The following IDE variants were observed in gnomAD, a reference collection of about 807,000 sequenced individuals.
IDE encodes insulin degrading enzyme.
IDE carries 58 observed loss-of-function variants against 133.2 expected under a neutral mutation model. The observed-to-expected ratio is 0.44, with a 90% confidence interval of 0.35 to 0.54. IDE has a LOEUF of 0.54. Among genes scored for constraint, IDE ranks in the 20% least tolerant of loss-of-function variants. IDE has a pLI of 0.00. For missense variants in IDE, 981 were observed against 1,234.0 expected (o/e 0.79, Z 3.07); for synonymous variants, 396 against 421.3 (o/e 0.94, Z 0.73).
chr10:92,563,001 A>C (rs1257456532), intron 1 of IDE, among the ~76,000 whole-genome samples: 1 of 152,216 alleles, frequency 6.6e-6, no homozygotes, highest in Non-Finnish European at 1.5e-5. Flanking sequence ...CTGTAATCCC[A>C]GCACTTTGGG....
At chr10:92,509,556 G>A (rs770281662) in intron 6 of IDE, among the ~76,000 whole-genome samples, 2 of 151,996 alleles carry the variant, frequency 1.3e-5, no homozygotes, top group Non-Finnish European at 2.9e-5. Context: ...TCGCGCCGCT[G>A]CACTCCAGCC....
chr10:92,490,377 A>G (rs906536493), intron 12 of IDE, 116 bp downstream of exon 12: 9 of 710,076 alleles, frequency 1.3e-5, no homozygotes, highest in African/African-American at 1.2e-4. Flanking sequence ...AGGATGGTAC[A>G]GATAACACTA....
intron 11 of IDE, among the ~76,000 whole-genome samples, chr10:92,495,507 C>T (rs1468116774): frequency 1.3e-5 from 2 of 152,138 alleles, no homozygotes; most frequent in East Asian, 3.9e-4. Flanking sequence ...GCATGAGCCA[C>T]TGCACCCAGT....
intron 15 of IDE, 70 bp from the exon 16 acceptor site, chr10:92,476,064 T>C (rs1356497440): frequency 4.3e-6 from 3 of 691,918 alleles, no homozygotes; most frequent in Non-Finnish European, 5.0e-6. Context: ...AACGACTTGA[T>C]TTTTAAACAT....
rs114390092 is a variant in IDE, at chr10:92,460,509, A to G, written c.2823+682T>C. On this transcript the variant is annotated intron_variant, in intron 22 of 24. Coordinates refer to ENST00000265986, the MANE Select transcript of IDE (RefSeq NM_004969.4). ...AGGGCTGTCACAGTCCTTGGTTTAG[A>G]GCATGGGTCAATCTTTTGGCTTCCT... Among the ~76,000 whole-genome samples, 746 of 152,294 alleles carry G rather than the reference A, an allele frequency of 4.9e-3. 8 individuals carry two copies. Among genetic ancestry groups the G allele is most frequent in the African/African-American group, 0.017 (710 of 41,560 alleles).
intron 15 of IDE, among the ~76,000 whole-genome samples, chr10:92,476,777 AG>A: frequency 6.6e-6 from 1 of 152,336 alleles, no homozygotes; most frequent in Admixed American, 6.5e-5. Context: ...AATGTGGCTA[AG>A]TTTTTTCTTC....
At chr10:92,472,331 A>G (rs542484101) in intron 17 of IDE, among the ~76,000 whole-genome samples, 135 of 152,334 alleles carry the variant, frequency 8.9e-4, no homozygotes, top group African/African-American at 3.1e-3. Context: ...TCATTATAAA[A>G]GTAGGCTTCG....
At position 92,510,172 on chromosome 10, in the gene IDE, A is replaced by C. The variant is rs763765891; in HGVS notation, c.785-10T>G. 1.9e-5 allele frequency: 26 copies of C among 1,359,900 alleles called. 1 individual carries two copies. In the South Asian group the frequency reaches 3.1e-4, roughly 16 times the overall value. 84.2% of individuals were successfully genotyped at this position (1,359,900 alleles called of 1,614,324 possible). ...AAGTCATCTAAAGATTCTACAAGAA[A>C]ACAGACAAGGAAAACAGAACTTAAG... On this transcript the variant is annotated splice_polypyrimidine_tract_variant and intron_variant, in intron 5 of 24. Transcript: ENST00000265986.
Position 92,508,321 on chromosome 10 carries a change from C to G in IDE, c.1061-116G>C, listed in dbSNP as rs901276822. Reference sequence around the variant, plus strand: ...CTAAGATATCAGAATGAACCTCTTGCGAAAAGATTGGGAAAAAAAAATCAG... The same window carrying G: ...CTAAGATATCAGAATGAACCTCTTGGGAAAAGATTGGGAAAAAAAAATCAG... On this transcript the variant is annotated intron_variant, in intron 7 of 24. Transcript: ENST00000265986. 4 of 802,172 alleles carry G rather than the reference C, an allele frequency of 5.0e-6. No homozygotes were observed. The South Asian group carries it at 6.9e-5, about 14-fold the overall frequency. The allele number at this position is 802,172 out of a possible 1,614,324, so 49.7% of individuals were successfully genotyped here.
chr10:92,482,211 A>G (rs1564611424), intron 14 of IDE, among the ~76,000 whole-genome samples: 3 of 152,224 alleles, frequency 2.0e-5, no homozygotes, highest in African/African-American at 4.8e-5. Context: ...AAAGCTGATT[A>G]TCATATTGAA....
intron 10 of IDE, 102 bp from the exon 11 acceptor site, chr10:92,504,999 C>T: frequency 1.7e-6 from 1 of 583,800 alleles, no homozygotes; most frequent in Non-Finnish European, 2.9e-6. Context: ...TACACCCTTT[C>T]TCTCTTCAGT....
At chr10:92,506,822 T>C (rs903834100) in intron 9 of IDE, among the ~76,000 whole-genome samples, 3 of 152,118 alleles carry the variant, frequency 2.0e-5, no homozygotes, top group Admixed American at 1.3e-4. Flanking sequence ...TTGAAACTAA[T>C]AGCCAAAGAA....
At chr10:92,502,586 T>C (rs894623018) in intron 11 of IDE, among the ~76,000 whole-genome samples, 1 of 152,204 alleles carries the variant, frequency 6.6e-6, no homozygotes, top group African/African-American at 2.4e-5. Context: ...ATTATGTGTA[T>C]CAGTGCATAT....
intron 11 of IDE, among the ~76,000 whole-genome samples, chr10:92,504,349 C>G (rs1848182148): frequency 6.6e-6 from 1 of 152,046 alleles, no homozygotes; most frequent in Non-Finnish European, 1.5e-5. Flanking sequence ...AACCACTGGT[C>G]AATCAGGAGG....
chr10:92,489,016 A>T (rs80064826), intron 12 of IDE, among the ~76,000 whole-genome samples: 4 of 133,094 alleles, frequency 3.0e-5, no homozygotes, highest in South Asian at 4.6e-4. Flanking sequence ...CTGTCTATTT[A>T]AAAAAAAAAA....
At chr10:92,505,864 G>C (rs56412772) in intron 10 of IDE, among the ~76,000 whole-genome samples, 2,745 of 152,300 alleles carry the variant, frequency 0.018, 42 homozygotes, top group Non-Finnish European at 0.026. Flanking sequence ...GGGCTGGACA[G>C]TGGTATAGAA....
intron 15 of IDE, chr10:92,478,601 C>T: frequency 1.9e-6 from 2 of 1,078,468 alleles, no homozygotes; most frequent in Non-Finnish European, 2.3e-6. Context: ...CAACATAATG[C>T]TTAAACGGGG....
chr10:92,561,970 C>G (rs1202759044), intron 1 of IDE, among the ~76,000 whole-genome samples: 2 of 152,068 alleles, frequency 1.3e-5, no homozygotes, highest in African/African-American at 4.8e-5. Context: ...GAACGGATCA[C>G]AAATATAATG....
At position 92,500,200 on chromosome 10, in the gene IDE, G is replaced by A. The variant is rs371972987; in HGVS notation, c.1430+4594C>T. Among the ~76,000 whole-genome samples the A allele has an allele frequency of 2.2e-4, 33 of 152,156 alleles. 1 individual carries two copies. The South Asian group carries it at 6.2e-3, about 29-fold the overall frequency. ...TAATCCCAGCTACTCGGGAGGCTGA[G>A]GCAAGAGAATCGCTTAAACTCGGGA... is the stretch of plus-strand genomic sequence containing the variant. On this transcript the variant is annotated intron_variant, in intron 11 of 24. Coordinates refer to ENST00000265986, the MANE Select transcript of IDE (RefSeq NM_004969.4).
Sources: gnomAD v4.1 joint callset for allele counts (sites outside exome capture counted in the v4.1 genomes callset) on GRCh38, gnomAD v4.1.1 for gene constraint, MANE v1.5 for transcripts, NCBI Gene and HGNC (gene_info 2026-07-23, HGNC 2026-07-21) for gene names.